IQCH: variants seen among roughly 807,000 people sequenced by gnomAD.
IQCH encodes the protein IQ motif containing H.
A neutral mutation model predicts 117.0 loss-of-function variants in IQCH; 98 were observed. The observed-to-expected ratio is 0.84, with a 90% confidence interval of 0.71 to 0.99. The LOEUF is 0.99. Among genes scored for constraint, IQCH ranks in the 50% least tolerant of loss-of-function variants. The pLI is 0.00. For missense variants in IQCH, 1,102 were observed against 1,243.8 expected (o/e 0.89, Z 1.72); for synonymous variants, 412 against 448.2 (o/e 0.92, Z 1.02).
At chr15:67,371,811 T>C (rs1047477193) in intron 8 of IQCH, among the ~76,000 whole-genome samples, 3 of 152,328 alleles carry the variant, frequency 2.0e-5, no homozygotes, top group East Asian at 3.9e-4. Context: ...GGTCAGGTGA[T>C]TGTATCAAAG....
In IQCH at chr15:67,411,824, A is replaced by G. The variant is rs150514133; in HGVS notation, c.2098-5107A>G. 6.6e-6 allele frequency among the ~76,000 whole-genome samples: 1 copy of G among 152,388 alleles called. No homozygotes were observed. The highest frequency in any genetic ancestry group is 1.5e-5 in the Non-Finnish European group (1 of 68,038). On this transcript the variant is annotated intron_variant, in intron 14 of 20. Transcript: ENST00000335894. This position sits in a 1 kb window ranked among gnomAD's most constrained non-coding sequence, Gnocchi z 4.4. ...CCCTAAGATATCCTGAATTTCATTC[A>G]TTCAGACATCTCTTCCTTCAAATTT...
At chr15:67,322,806 A>ACT (rs74748594) in intron 4 of IQCH, among the ~76,000 whole-genome samples, 2 of 150,970 alleles carry the variant, frequency 1.3e-5, no homozygotes, top group Non-Finnish European at 3.0e-5. Flanking sequence ...CCCCACCACC[A>ACT]GTTGGGTGGT....
chr15:67,434,954 T>A lies in IQCH; in HGVS notation c.2505+13377T>A, dbSNP rs527312908. Among the ~76,000 whole-genome samples the A allele has an allele frequency of 4.3e-3, 648 of 150,334 alleles. 4 individuals are homozygous for A. Among genetic ancestry groups the A allele is most frequent in the South Asian group, 0.028 (131 of 4,722 alleles). ...ACGCCTGTATTTTTGTATTTTTTTTTAATTTTTTTGTATTTTTGTATTTTG... is the reference window on the plus strand; with the variant it reads ...ACGCCTGTATTTTTGTATTTTTTTTAAATTTTTTTGTATTTTTGTATTTTG... On this transcript the variant is annotated intron_variant, in intron 16 of 20. Transcript: ENST00000335894.
chr15:67,389,811 A>G (rs1326424438), intron 12 of IQCH, among the ~76,000 whole-genome samples: 1 of 150,734 alleles, frequency 6.6e-6, no homozygotes, highest in Non-Finnish European at 1.5e-5. Context: ...CATGCTATAC[A>G]TAGGGAACAT....
At chr15:67,380,557 A>G (rs1177927187) in intron 10 of IQCH, among the ~76,000 whole-genome samples, 1 of 152,146 alleles carries the variant, frequency 6.6e-6, no homozygotes, top group Non-Finnish European at 1.5e-5. Flanking sequence ...CAGTGTCTAG[A>G]TCATAGTTCT....
At chr15:67,267,119 C>T (rs1036292896) in intron 3 of IQCH, among the ~76,000 whole-genome samples, 1 of 152,168 alleles carries the variant, frequency 6.6e-6, no homozygotes, top group African/African-American at 2.4e-5. Flanking sequence ...CTGCAAGGGA[C>T]GTTACCACAT....
At chr15:67,383,106 TTTG>T (rs10605551) in intron 10 of IQCH, among the ~76,000 whole-genome samples, 151,809 of 152,124 alleles carry the variant, frequency 1, 75,748 homozygotes, top group Middle Eastern at 1. Flanking sequence ...TGTCACAGAG[TTTG>T]TTGTTGTTGT....
chr15:67,346,552 T>C (rs544847545), intron 6 of IQCH, among the ~76,000 whole-genome samples: 84 of 152,274 alleles, frequency 5.5e-4, no homozygotes, highest in African/African-American at 1.9e-3. Context: ...CTGCTGCTGA[T>C]CTGACAGGAG....
chr15:67,256,552 C>T (rs142568331), intron 1 of IQCH, among the ~76,000 whole-genome samples: 4 of 152,182 alleles, frequency 2.6e-5, no homozygotes, highest in Non-Finnish European at 4.4e-5. Flanking sequence ...GCAGGACATC[C>T]CAGGCGCCTA....
At position 67,393,978 on chromosome 15, in the gene IQCH, G is replaced by A. The variant is rs1019820150; in HGVS notation, c.1633-1313G>A. On this transcript the variant is annotated intron_variant, in intron 12 of 20. Transcript: ENST00000335894. The surrounding 1 kb of genome is among the most constrained non-coding windows in gnomAD (Gnocchi z 5.5). Reference sequence around the variant, plus strand: ...TAATTTTTATTCTTATCTAACAGGTGAAGAAATAGGCTCAGGGGGTCTAAG... The same window carrying A: ...TAATTTTTATTCTTATCTAACAGGTAAAGAAATAGGCTCAGGGGGTCTAAG... Among the ~76,000 whole-genome samples the A allele has an allele frequency of 6.6e-6, 1 of 152,094 alleles. No individual in the cohort carries two copies. Among genetic ancestry groups the A allele is most frequent in the African/African-American group, 2.4e-5 (1 of 41,398 alleles).
At chr15:67,468,544 C>G (rs1036448759) in intron 17 of IQCH, among the ~76,000 whole-genome samples, 3 of 152,202 alleles carry the variant, frequency 2.0e-5, no homozygotes, top group Non-Finnish European at 2.9e-5. Context: ...ACATTATCTT[C>G]TAGACAGATG....
chr15:67,484,510 C>T (rs750484401), intron 18 of IQCH, among the ~76,000 whole-genome samples: 2 of 149,412 alleles, frequency 1.3e-5, no homozygotes, highest in Admixed American at 6.7e-5. Context: ...GCAGGTGAAT[C>T]ACAAGGTCAG....
At chr15:67,358,586 T>C (rs1970011402) in intron 7 of IQCH, among the ~76,000 whole-genome samples, 1 of 152,190 alleles carries the variant, frequency 6.6e-6, no homozygotes, top group African/African-American at 2.4e-5. Context: ...TGGACTTTTG[T>C]ACCTTGCTTT....
chr15:67,315,383 C>T (rs1967799064), intron 4 of IQCH, among the ~76,000 whole-genome samples: 1 of 152,214 alleles, frequency 6.6e-6, no homozygotes, highest in East Asian at 1.9e-4. Context: ...ATGAATACAT[C>T]CCTGTAAAGT....
intron 4 of IQCH, among the ~76,000 whole-genome samples, chr15:67,332,938 A>T (rs967393555): frequency 2.0e-5 from 3 of 152,170 alleles, no homozygotes; most frequent in African/African-American, 7.2e-5. Flanking sequence ...GTTTATAAAT[A>T]ACAGAAATTT....
Position 67,454,088 on chromosome 15 carries a change from A to G in IQCH, c.2506-11039A>G, listed in dbSNP as rs1027487611. On this transcript the variant is annotated intron_variant, in intron 16 of 20. Transcript: ENST00000335894. This position sits in a 1 kb window ranked among gnomAD's most constrained non-coding sequence, Gnocchi z 5.2. ...TTTAAGCCCGTTGGAAAAGCGCAGT[A>G]TTAGGGTGGGAGTGACCCGATTTTC... Among the ~76,000 whole-genome samples, 1 of 152,180 alleles carries G rather than the reference A, an allele frequency of 6.6e-6. No individual in the cohort carries two copies. Among genetic ancestry groups the G allele is most frequent in the Non-Finnish European group, 1.5e-5 (1 of 68,028 alleles).
rs1971094775 is a variant in IQCH, at chr15:67,385,941, A to G, written c.1456+922A>G. ...ATGACATGCTTTACATGATTCATAT[A>G]TATTTCAGCATCATTATTATTTTAT... is the stretch of plus-strand genomic sequence containing the variant. On this transcript the variant is annotated intron_variant, in intron 11 of 20. Transcript: ENST00000335894. The surrounding 1 kb of genome is among the most constrained non-coding windows in gnomAD (Gnocchi z 4.6). Among the ~76,000 whole-genome samples the G allele has an allele frequency of 6.6e-6, 1 of 152,202 alleles. No individual in the cohort carries two copies. Among genetic ancestry groups the G allele is most frequent in the East Asian group, 1.9e-4 (1 of 5,206 alleles).
In IQCH at chr15:67,490,603, A is replaced by G. The variant is rs1043905904; in HGVS notation, c.2861+539A>G. On this transcript the variant is annotated intron_variant, in intron 19 of 20. Coordinates refer to ENST00000335894, the MANE Select transcript of IQCH (RefSeq NM_001031715.3). This position sits in a 1 kb window ranked among gnomAD's most constrained non-coding sequence, Gnocchi z 4.9. ...ATGGGTAAGATTTAGATTTAACAAC[A>G]TATTATACCCAAATGCATACACAGA... 1.3e-5 allele frequency among the ~76,000 whole-genome samples: 2 copies of G among 152,208 alleles called. No individual in the cohort carries two copies. Among genetic ancestry groups the G allele is most frequent in the Non-Finnish European group, 2.9e-5 (2 of 68,038 alleles).
intron 4 of IQCH, among the ~76,000 whole-genome samples, chr15:67,333,331 G>T (rs1968749452): frequency 6.6e-6 from 1 of 152,120 alleles, no homozygotes; most frequent in African/African-American, 2.4e-5. Context: ...TTGTTATTTG[G>T]CCCTTTAAGG....
Sources: gnomAD v4.1 joint callset for allele counts (sites outside exome capture counted in the v4.1 genomes callset) on GRCh38, gnomAD v4.1.1 for gene constraint, Gnocchi (gnomAD v3.1) non-coding constraint, MANE v1.5 for transcripts, NCBI Gene and HGNC (gene_info 2026-07-23, HGNC 2026-07-21) for gene names.